Variants in STXBP5L observed in about 807,000 individuals in gnomAD.
STXBP5L encodes syntaxin-binding protein 5-like.
Under a neutral mutation model 144.5 loss-of-function variants are expected in STXBP5L, and 65 were observed. That is an observed-to-expected ratio of 0.45 (90% CI 0.37 to 0.55). STXBP5L has a LOEUF of 0.55. Among genes scored for constraint, STXBP5L ranks in the 20% least tolerant of loss-of-function variants. The probability of loss-of-function intolerance (pLI) is 0.00; values close to 1 mark genes in which losing one functional copy is unlikely to be tolerated. For synonymous variants in STXBP5L, 505 were observed against 469.6 expected, an observed-to-expected ratio of 1.08 and a Z score of -0.97; for missense variants, 1,298 against 1,405.5, an observed-to-expected ratio of 0.92 and a Z score of 1.22.
intron 3 of STXBP5L, among the ~76,000 whole-genome samples, chr3:120,989,321 G>A (rs1359815673): frequency 1.3e-5 from 2 of 152,016 alleles, no homozygotes; most frequent in Non-Finnish European, 2.9e-5. Context: ...TTAAATAATA[G>A]CCATTCTGAC....
chr3:121,188,838 C>A (rs2047510625), intron 9 of STXBP5L, among the ~76,000 whole-genome samples: 1 of 152,112 alleles, frequency 6.6e-6, no homozygotes, highest in Non-Finnish European at 1.5e-5. Context: ...TATGACAAAC[C>A]CACAGTCAAT....
chr3:120,909,027 C>G (rs979543567), intron 1 of STXBP5L: 7 of 152,282 alleles, frequency 4.6e-5, no homozygotes, highest in African/African-American at 1.7e-4. Context: ...CCCCGCCTTT[C>G]ATAGTGACAA....
At chr3:121,152,419 T>C in intron 7 of STXBP5L, 58 bp from the exon 8 acceptor site, 1 of 1,269,376 alleles carries the variant, frequency 7.9e-7, no homozygotes, top group Non-Finnish European at 1.1e-6. Context: ...AAACTTTATT[T>C]GAAGCAAGTT....
Position 121,336,216 on chromosome 3 carries a change from G to C in STXBP5L, c.2176+17676G>C, listed in dbSNP as rs549194638. Among the ~76,000 whole-genome samples, 470 of 152,232 alleles carry C rather than the reference G, an allele frequency of 3.1e-3. 4 individuals carry two copies. Among genetic ancestry groups the C allele is most frequent in the Non-Finnish European group, 4.9e-3 (336 of 67,996 alleles). On this transcript the variant is annotated intron_variant, in intron 20 of 26. Coordinates refer to ENST00000471454, the MANE Select transcript of STXBP5L (RefSeq NM_001308330.2). ...ATGCAAATCAAAACCACAATGAGAG[G>C]CTGGGCCTGGTGGCTCATGCCTGTA... is the stretch of plus-strand genomic sequence containing the variant.
chr3:121,082,120 T>G (rs1409923823), intron 5 of STXBP5L, among the ~76,000 whole-genome samples: 3 of 152,168 alleles, frequency 2.0e-5, no homozygotes, highest in Non-Finnish European at 4.4e-5. Flanking sequence ...TCTACCTAAA[T>G]TTTAGAATAA....
chr3:121,329,733 C>T lies in STXBP5L; in HGVS notation c.2176+11193C>T, dbSNP rs146345773. 3.8e-3 allele frequency among the ~76,000 whole-genome samples: 579 copies of T among 151,988 alleles called. 4 individuals are homozygous for T. Among genetic ancestry groups the T allele is most frequent in the African/African-American group, 0.012 (482 of 41,448 alleles). ...AAAATTAGCCAGGCATGGTGGCAGG[C>T]GCCTATAATCCACCTACACGGGAGG... On this transcript the variant is annotated intron_variant, in intron 20 of 26. Transcript: ENST00000471454.
chr3:120,948,108 A>T (rs1287233941), intron 2 of STXBP5L, among the ~76,000 whole-genome samples: 1 of 151,694 alleles, frequency 6.6e-6, no homozygotes, highest in Non-Finnish European at 1.5e-5. Flanking sequence ...CTTTATCAAC[A>T]TGTGTTAATA....
chr3:120,948,896 A>ATT (rs144774988), intron 2 of STXBP5L, among the ~76,000 whole-genome samples: 12 of 149,660 alleles, frequency 8.0e-5, no homozygotes, highest in Non-Finnish European at 1.3e-4. Context: ...TCATATAATG[A>ATT]TTTTTTTTTT....
At chr3:121,008,875 A>T (rs956740986) in intron 3 of STXBP5L, among the ~76,000 whole-genome samples, 2 of 152,052 alleles carry the variant, frequency 1.3e-5, no homozygotes, top group African/African-American at 4.8e-5. Context: ...AATTGTAATA[A>T]ATAAAATATC....
At position 120,909,733 on chromosome 3, in the gene STXBP5L, A is replaced by C. The variant is rs753546265; in HGVS notation, c.155A>C (p.Glu52Ala). The C allele has an allele frequency of 3.0e-5, 49 of 1,611,632 alleles. 1 individual carries two copies. In the Admixed American group the frequency reaches 3.4e-4, roughly 11 times the overall value. ...TAGVLREEIQ[E>A]TLTSEYFQIC... The stretch of plus-strand genomic sequence containing the variant: ...GGGGTTCTCAGAGAGGAAATTCAGG[A>C]AACTTTGACTTCGGAGTATTTCCAG... Residue 52 changes from glutamate to alanine, a missense_variant, in exon 2 of 27, where the codon GAA becomes GCA. By Grantham distance (107) the Glu-to-Ala change is moderately radical (BLOSUM62 -1). Transcript: ENST00000471454.
At chr3:121,007,140 T>G (rs980341042) in intron 3 of STXBP5L, among the ~76,000 whole-genome samples, 1 of 152,056 alleles carries the variant, frequency 6.6e-6, no homozygotes, top group African/African-American at 2.4e-5. Context: ...TAAAAGTTAT[T>G]GAAATTATAC....
At chr3:120,975,294 T>G (rs2107820750) in intron 3 of STXBP5L, among the ~76,000 whole-genome samples, 1 of 152,312 alleles carries the variant, frequency 6.6e-6, no homozygotes, top group East Asian at 1.9e-4. Context: ...TGTTTTATTC[T>G]CTTTGTAGCA....
At chr3:121,403,842 C>T (rs1316410306) in intron 22 of STXBP5L, among the ~76,000 whole-genome samples, 6 of 152,114 alleles carry the variant, frequency 3.9e-5, no homozygotes, top group Non-Finnish European at 7.4e-5. Context: ...GCTATTTTCA[C>T]CTGATTTTCT....
At chr3:121,176,490 CAAAAAAA>C (rs35855500) in intron 9 of STXBP5L, among the ~76,000 whole-genome samples, 1 of 70,144 alleles carries the variant, frequency 1.4e-5, no homozygotes, top group African/African-American at 5.7e-5. Flanking sequence ...CCAAACTGGC[CAAAAAAA>C]AAAAAAAAAA....
At chr3:120,911,313 T>C (rs1708827327) in intron 2 of STXBP5L, among the ~76,000 whole-genome samples, 1 of 152,046 alleles carries the variant, frequency 6.6e-6, no homozygotes, top group East Asian at 1.9e-4. Context: ...AGGCAAGAGA[T>C]AGTCATAGGA....
At chr3:121,131,942 C>T (rs776833553) in intron 7 of STXBP5L, among the ~76,000 whole-genome samples, 2 of 152,182 alleles carry the variant, frequency 1.3e-5, no homozygotes, top group East Asian at 3.9e-4. Context: ...AGGATGCCCT[C>T]TTACCAGAAA....
At chr3:121,354,094 C>G (rs957216476) in intron 20 of STXBP5L, among the ~76,000 whole-genome samples, 1 of 152,144 alleles carries the variant, frequency 6.6e-6, no homozygotes, top group Non-Finnish European at 1.5e-5. Context: ...GAGTGCTTTA[C>G]TTCCAATTAT....
intron 20 of STXBP5L, among the ~76,000 whole-genome samples, chr3:121,340,796 A>G (rs2044681469): frequency 6.6e-6 from 1 of 152,092 alleles, no homozygotes; most frequent in African/African-American, 2.4e-5. Flanking sequence ...AATAACAACA[A>G]CTTTTCAAGT....
At chr3:121,240,345 A>T in intron 13 of STXBP5L, 95 bp from the exon 14 acceptor site, 3 of 1,161,666 alleles carry the variant, frequency 2.6e-6, no homozygotes, top group African/African-American at 1.6e-5. Context: ...ATTTTTCTTT[A>T]AGTGAGCTTT....
Sources: allele counts gnomAD v4.1 joint callset (sites outside exome capture counted in the v4.1 genomes callset), GRCh38; gene constraint gnomAD v4.1.1; transcripts MANE v1.5; gene names NCBI Gene and HGNC (gene_info 2026-07-23, HGNC 2026-07-21).